The following SUPT3H variants were observed in gnomAD, a reference collection of about 807,000 sequenced individuals.
SUPT3H encodes the protein SPT3 homolog, SAGA and STAGA complex component.
A neutral mutation model predicts 44.3 loss-of-function variants in SUPT3H; 44 were observed. That is an observed-to-expected ratio of 0.99 (90% CI 0.78 to 1.28). The LOEUF (loss-of-function observed/expected upper bound fraction) is 1.28, where lower values mean the gene tolerates loss of function less well. Among genes scored for constraint, SUPT3H ranks in the 50% most tolerant of loss-of-function variants. The pLI is 0.00. For missense variants in SUPT3H, 380 were observed against 387.1 expected, an observed-to-expected ratio of 0.98 and a Z score of 0.15; for synonymous variants, 124 against 125.6, an observed-to-expected ratio of 0.99 and a Z score of 0.09.
chr6:44,986,147 C>G (rs374885985), intron 6 of SUPT3H, among the ~76,000 whole-genome samples: 1 of 152,076 alleles, frequency 6.6e-6, no homozygotes. Flanking sequence ...TAACAAAACT[C>G]GAGAAGTTTC....
Position 45,067,569 on chromosome 6 carries a change from C to A in SUPT3H, c.186+38353G>T, listed in dbSNP as rs997422075. On this transcript the variant is annotated intron_variant, in intron 3 of 10. Transcript: ENST00000371459. ...AAATTTTCACAACCTACTCATCTGA[C>A]AAAGGGCTAATATTCAGAATCTACA... 6.6e-5 allele frequency among the ~76,000 whole-genome samples: 10 copies of A among 151,340 alleles called. No homozygotes were observed. In the East Asian group the frequency reaches 1.2e-3, roughly 18 times the overall value.
chr6:44,898,425 C>T (rs551529867), intron 10 of SUPT3H, among the ~76,000 whole-genome samples: 2 of 152,150 alleles, frequency 1.3e-5, no homozygotes, highest in South Asian at 4.1e-4. Flanking sequence ...AAACTGAGGC[C>T]CCCAGCCAAC....
At chr6:45,329,099 T>A (rs1221930264) in intron 2 of SUPT3H, among the ~76,000 whole-genome samples, 4 of 151,958 alleles carry the variant, frequency 2.6e-5, no homozygotes, top group Non-Finnish European at 5.9e-5. Context: ...TCATTAACCC[T>A]CACCAGAAGA....
chr6:45,135,668 T>C (rs2153586674), intron 2 of SUPT3H, among the ~76,000 whole-genome samples: 1 of 152,290 alleles, frequency 6.6e-6, no homozygotes, highest in African/African-American at 2.4e-5. Flanking sequence ...AACCACAGTT[T>C]TTGCCCATTC....
chr6:45,178,218 AG>A (rs1812380507), intron 2 of SUPT3H, among the ~76,000 whole-genome samples: 1 of 152,224 alleles, frequency 6.6e-6, no homozygotes, highest in South Asian at 2.1e-4. Context: ...AAAAGGATAG[AG>A]GAAGATCTAC....
At chr6:45,303,336 C>T (rs571465605) in intron 2 of SUPT3H, among the ~76,000 whole-genome samples, 1 of 152,198 alleles carries the variant, frequency 6.6e-6, no homozygotes, top group African/African-American at 2.4e-5. Context: ...AACAGACAAC[C>T]CACAGAGTGG....
downstream of SUPT3H, among the ~76,000 whole-genome samples, chr6:44,823,122 A>AAT (rs1767472747): frequency 8.6e-6 from 1 of 116,106 alleles, no homozygotes; most frequent in Non-Finnish European, 1.7e-5. Context: ...AAAAAAAAAA[A>AAT]TTTTTTTCTA....
At chr6:45,279,665 C>A (rs768039433) in intron 2 of SUPT3H, among the ~76,000 whole-genome samples, 5 of 152,166 alleles carry the variant, frequency 3.3e-5, no homozygotes, top group Non-Finnish European at 7.3e-5. Context: ...TCCTGTGCAG[C>A]CTGCAGAACC....
intron 2 of SUPT3H, among the ~76,000 whole-genome samples, chr6:45,223,891 A>C (rs972910478): frequency 2.0e-5 from 3 of 150,956 alleles, no homozygotes; most frequent in Non-Finnish European, 3.0e-5. Context: ...ATATAATCTT[A>C]ATCTAACAAT....
intron 2 of SUPT3H, among the ~76,000 whole-genome samples, chr6:45,182,760 A>G (rs1254618724): frequency 6.6e-6 from 1 of 152,224 alleles, no homozygotes; most frequent in East Asian, 1.9e-4. Flanking sequence ...AAAAAGCCAT[A>G]CACACAGAAA....
At chr6:45,245,037 G>A (rs1035226217) in intron 2 of SUPT3H, among the ~76,000 whole-genome samples, 5 of 151,994 alleles carry the variant, frequency 3.3e-5, no homozygotes, top group Admixed American at 6.6e-5. Flanking sequence ...CTTTACCTTC[G>A]AGCATTAAAA....
At chr6:44,960,792 G>A (rs1002482979) in intron 7 of SUPT3H, among the ~76,000 whole-genome samples, 3 of 151,842 alleles carry the variant, frequency 2.0e-5, no homozygotes, top group Non-Finnish European at 4.4e-5. Flanking sequence ...TAGTCAAATT[G>A]GAAAGTATAT....
intron 2 of SUPT3H, among the ~76,000 whole-genome samples, chr6:45,159,947 C>T (rs1281191605): frequency 6.6e-6 from 1 of 152,234 alleles, no homozygotes; most frequent in East Asian, 1.9e-4. Flanking sequence ...AGTCCACAAT[C>T]CCAAAAATTA....
At chr6:45,205,414 A>G (rs775574114) in intron 2 of SUPT3H, among the ~76,000 whole-genome samples, 5 of 152,326 alleles carry the variant, frequency 3.3e-5, no homozygotes, top group Non-Finnish European at 7.3e-5. Context: ...ACCATTCCAC[A>G]ATTACATAAT....
At chr6:45,310,666 C>T (rs983485744) in intron 2 of SUPT3H, among the ~76,000 whole-genome samples, 2 of 152,002 alleles carry the variant, frequency 1.3e-5, no homozygotes, top group African/African-American at 4.8e-5. Context: ...GTGGCTAGAC[C>T]CAGAAGAGAG....
intron 2 of SUPT3H, among the ~76,000 whole-genome samples, chr6:45,232,664 G>A (rs1346837188): frequency 1.3e-5 from 2 of 152,150 alleles, no homozygotes; most frequent in Non-Finnish European, 2.9e-5. Context: ...GGGCCCAAGT[G>A]TTGCACACTG....
At chr6:45,188,913 AC>A (rs780613236) in intron 2 of SUPT3H, among the ~76,000 whole-genome samples, 4 of 151,890 alleles carry the variant, frequency 2.6e-5, no homozygotes, top group Non-Finnish European at 4.4e-5. Flanking sequence ...TGTATAATAA[AC>A]CTTTAAGGTG....
chr6:44,867,505 G>A (rs181243947), intron 10 of SUPT3H, among the ~76,000 whole-genome samples: 67 of 152,042 alleles, frequency 4.4e-4, no homozygotes, highest in South Asian at 1.5e-3. Context: ...TGATTGATTC[G>A]CTAACATCTA....
intron 3 of SUPT3H, among the ~76,000 whole-genome samples, chr6:45,039,039 A>G (rs1211249263): frequency 6.6e-6 from 1 of 152,186 alleles, no homozygotes; most frequent in Non-Finnish European, 1.5e-5. Context: ...AAGGACATTG[A>G]TTTGAAAGAG....
Sources: allele counts gnomAD v4.1 joint callset (sites outside exome capture counted in the v4.1 genomes callset), GRCh38; gene constraint gnomAD v4.1.1; transcripts MANE v1.5; gene names NCBI Gene and HGNC (gene_info 2026-07-23, HGNC 2026-07-21).